Variants in CHL1 observed in about 807,000 individuals in gnomAD.
CHL1 encodes the protein neural cell adhesion molecule L1-like protein.
In CHL1, 96 loss-of-function variants were observed where a neutral mutation model predicts 141.9. The observed-to-expected ratio is 0.68, with a 90% CI of 0.57 to 0.80. CHL1 has a LOEUF of 0.80. Ranked by LOEUF, CHL1 falls within the 30% of genes least tolerant of loss-of-function variation. CHL1 has a pLI of 0.00. For missense variants in CHL1, 1,820 were observed against 1,457.2 expected (o/e 1.25, Z -4.05); for synonymous variants, 613 against 502.2 (o/e 1.22, Z -2.95).
chr3:285,239 A>C (rs181850325), intron 2 of CHL1, among the ~76,000 whole-genome samples: 15 of 152,226 alleles, frequency 9.9e-5, no homozygotes, highest in African/African-American at 3.6e-4. Context: ...TAAAGGGAAG[A>C]GATGAATTAC....
chr3:349,074 A>G (rs1332087536), intron 9 of CHL1, among the ~76,000 whole-genome samples: 1 of 152,214 alleles, frequency 6.6e-6, no homozygotes, highest in Non-Finnish European at 1.5e-5. Flanking sequence ...GCTCAGCCAC[A>G]CCTAGTCAGC....
chr3:198,331 T>C (rs895959251), intron 1 of CHL1, among the ~76,000 whole-genome samples: 4 of 151,948 alleles, frequency 2.6e-5, no homozygotes, highest in Non-Finnish European at 4.4e-5. Flanking sequence ...GCGGCTGCCC[T>C]GCCAGGCGCG....
chr3:340,434 A>G (rs1170929384), intron 5 of CHL1, among the ~76,000 whole-genome samples: 1 of 152,242 alleles, frequency 6.6e-6, no homozygotes, highest in African/African-American at 2.4e-5. Context: ...AAGTGAAATC[A>G]GTGTTTGGAG....
At chr3:197,839 C>G (rs1405488007) in intron 1 of CHL1, 1 of 454,426 alleles carries the variant, frequency 2.2e-6, no homozygotes, top group Non-Finnish European at 4.4e-6. Flanking sequence ...CGGATGGTCC[C>G]TTCTTCCTCT....
intron 2 of CHL1, among the ~76,000 whole-genome samples, chr3:288,593 T>A (rs191266464): frequency 7.6e-4 from 116 of 152,274 alleles, no homozygotes; most frequent in African/African-American, 2.6e-3. Context: ...ACGTTGTTTG[T>A]CACAGGAGGG....
chr3:247,012 A>G (rs1333659816), intron 2 of CHL1: 1 of 151,918 alleles, frequency 6.6e-6, no homozygotes, highest in Non-Finnish European at 1.5e-5. Context: ...ATACTGATTT[A>G]TGGATTTGGA....
intron 5 of CHL1, among the ~76,000 whole-genome samples, chr3:333,468 C>G (rs1701623558): frequency 6.6e-6 from 1 of 152,050 alleles, no homozygotes; most frequent in Admixed American, 6.6e-5. Flanking sequence ...TTTCTATTTT[C>G]AACAACATTG....
intron 2 of CHL1, among the ~76,000 whole-genome samples, chr3:263,283 T>A (rs988479317): frequency 4.0e-5 from 6 of 151,726 alleles, no homozygotes; most frequent in Admixed American, 2.6e-4. Context: ...ATCCCCAGGG[T>A]GGTATAGGTA....
At chr3:197,760 G>C (rs755951621) in intron 1 of CHL1, 7 of 455,570 alleles carry the variant, frequency 1.5e-5, no homozygotes, top group South Asian at 9.3e-5. Context: ...AGGGGCGAGA[G>C]GGCGCGCCGG....
chr3:373,383 C>T (rs1705890728), intron 15 of CHL1, among the ~76,000 whole-genome samples: 1 of 152,170 alleles, frequency 6.6e-6, no homozygotes, highest in Non-Finnish European at 1.5e-5. Context: ...CACTCAGGGT[C>T]AGGCCTGAAG....
At chr3:319,591 C>CAAAAAA (rs35995557) in intron 2 of CHL1, 92 bp from the exon 3 acceptor site, 15 of 304,312 alleles carry the variant, frequency 4.9e-5, no homozygotes, top group South Asian at 1.5e-4. Flanking sequence ...ACTGCCAAAC[C>CAAAAAA]AAAAAAAAAA....
At chr3:397,968 A>G (rs898376827) in intron 24 of CHL1, among the ~76,000 whole-genome samples, 1 of 152,140 alleles carries the variant, frequency 6.6e-6, no homozygotes, top group Non-Finnish European at 1.5e-5. Flanking sequence ...GTGGTTTTGA[A>G]CCATTCATGT....
chr3:335,089 A>G (rs1044313131), intron 5 of CHL1, among the ~76,000 whole-genome samples: 1 of 152,210 alleles, frequency 6.6e-6, no homozygotes. Flanking sequence ...GTGTTAACAT[A>G]CTTCCTCAGA....
At chr3:348,824 T>A (rs1369088130) in intron 9 of CHL1, among the ~76,000 whole-genome samples, 1 of 152,130 alleles carries the variant, frequency 6.6e-6, no homozygotes, top group Non-Finnish European at 1.5e-5. Flanking sequence ...AATAGGCTGT[T>A]CATGGGTCTA....
At chr3:262,500 C>T (rs999107931) in intron 2 of CHL1, among the ~76,000 whole-genome samples, 30 of 120,506 alleles carry the variant, frequency 2.5e-4, no homozygotes, top group African/African-American at 1.3e-3. Context: ...GGGCAGGATT[C>T]ACACGTTTAA....
At chr3:272,303 G>A (rs978691085) in intron 2 of CHL1, among the ~76,000 whole-genome samples, 1 of 152,062 alleles carries the variant, frequency 6.6e-6, no homozygotes, top group Admixed American at 6.6e-5. Context: ...ATAATTTTGT[G>A]TTTTTTGTAT....
intron 2 of CHL1, among the ~76,000 whole-genome samples, chr3:258,866 CCCT>C (rs1694426441): frequency 7.3e-6 from 1 of 136,548 alleles, no homozygotes; most frequent in African/African-American, 3.7e-5. Context: ...TAACTAAGTC[CCCT>C]TTTTTTTTTT....
intron 1 of CHL1, among the ~76,000 whole-genome samples, chr3:214,175 T>A (rs1456798846): frequency 6.6e-6 from 1 of 152,126 alleles, no homozygotes; most frequent in Non-Finnish European, 1.5e-5. Context: ...ACCAAGAAAT[T>A]AGCTGATCCC....
intron 12 of CHL1, 125 bp downstream of exon 12, chr3:360,549 C>T (rs1257468981): frequency 3.1e-6 from 3 of 953,244 alleles, no homozygotes; most frequent in East Asian, 5.0e-5. Context: ...TACTTTTCAC[C>T]ATACATTTGA....
Sources: gnomAD v4.1 joint callset for allele counts (sites outside exome capture counted in the v4.1 genomes callset) on GRCh38, gnomAD v4.1.1 for gene constraint, MANE v1.5 for transcripts, NCBI Gene and HGNC (gene_info 2026-07-23, HGNC 2026-07-21) for gene names.